Variants in EBF3 observed in about 807,000 individuals in gnomAD.
EBF3 encodes the protein EBF transcription factor 3, also known as transcription factor COE3.
In EBF3, 18 loss-of-function variants were observed where a neutral mutation model predicts 77.1. That is an observed-to-expected ratio of 0.23 (90% CI 0.16 to 0.35). The LOEUF (loss-of-function observed/expected upper bound fraction) is 0.35, where lower values mean the gene tolerates loss of function less well. Ranked by LOEUF, EBF3 falls within the 10% of genes least tolerant of loss-of-function variation. EBF3 has a pLI of 1.00. For missense variants in EBF3, 558 were observed against 860.0 expected, an observed-to-expected ratio of 0.65 and a Z score of 4.39; for synonymous variants, 350 against 343.5, an observed-to-expected ratio of 1.02 and a Z score of -0.21.
intron 8 of EBF3, among the ~76,000 whole-genome samples, chr10:129,872,483 G>A (rs1262945347): frequency 1.3e-5 from 2 of 152,134 alleles, no homozygotes; most frequent in African/African-American, 2.4e-5. Context: ...ATCTGCACAC[G>A]CTTCATTCAT....
In EBF3 at chr10:129,885,356, G is replaced by C. The variant is rs974600605; in HGVS notation, c.555-7507C>G. Among the ~76,000 whole-genome samples the C allele has an allele frequency of 3.3e-5, 5 of 152,132 alleles. No homozygotes were observed. The highest frequency in any genetic ancestry group is 5.9e-5 in the Non-Finnish European group (4 of 68,024). On this transcript the variant is annotated intron_variant, in intron 6 of 16. Coordinates refer to ENST00000440978, the MANE Select transcript of EBF3 (RefSeq NM_001375380.1). The surrounding 1 kb of genome is among the most constrained non-coding windows in gnomAD (Gnocchi z 4.0). ...ATGTGTTCAGATAAGTAAAATCCAG[G>C]TAGACACTCTAAAGGCAAGTACATC...
At chr10:129,898,631 T>C (rs1372676480) in intron 6 of EBF3, among the ~76,000 whole-genome samples, 3 of 152,196 alleles carry the variant, frequency 2.0e-5, no homozygotes, top group Non-Finnish European at 4.4e-5. Context: ...AAAACTAAAC[T>C]GTTGGGATGG....
chr10:129,894,952 G>A (rs947139775), intron 6 of EBF3, among the ~76,000 whole-genome samples: 10 of 152,184 alleles, frequency 6.6e-5, no homozygotes, highest in African/African-American at 2.4e-4. Flanking sequence ...CTGGGTCAGT[G>A]AGCACAAAGT....
At position 129,938,735 on chromosome 10, in the gene EBF3, G is replaced by A. The variant is rs1030963717; in HGVS notation, c.554+18523C>T. Among the ~76,000 whole-genome samples the A allele has an allele frequency of 2.0e-5, 3 of 152,158 alleles. No individual in the cohort carries two copies. Among genetic ancestry groups the A allele is most frequent in the Admixed American group, 2.0e-4 (3 of 15,278 alleles). On this transcript the variant is annotated intron_variant, in intron 6 of 16. Transcript: ENST00000440978. This position sits in a 1 kb window ranked among gnomAD's most constrained non-coding sequence, Gnocchi z 5.1. ...TGCCTTGTGTCCTGGGACCTGGCCT[G>A]TGCTCCAAGCAAGTCAAGGCCATTG...
At chr10:129,931,619 A>G (rs1257585603) in intron 6 of EBF3, among the ~76,000 whole-genome samples, 1 of 152,264 alleles carries the variant, frequency 6.6e-6, no homozygotes, top group Non-Finnish European at 1.5e-5. Flanking sequence ...CTTGCTCTTG[A>G]TGTCTGCCCT....
At chr10:129,858,553 C>A (rs1191468190) in intron 10 of EBF3, among the ~76,000 whole-genome samples, 1 of 152,142 alleles carries the variant, frequency 6.6e-6, no homozygotes, top group Non-Finnish European at 1.5e-5. Context: ...AAGGGATGGC[C>A]ATCAACAAGC....
At chr10:129,941,263 A>G (rs1390572968) in intron 6 of EBF3, among the ~76,000 whole-genome samples, 1 of 152,240 alleles carries the variant, frequency 6.6e-6, no homozygotes, top group African/African-American at 2.4e-5. Context: ...ATCAGCTTAC[A>G]GGGCAGCAAG....
intron 10 of EBF3, among the ~76,000 whole-genome samples, chr10:129,859,222 C>G (rs80004085): frequency 6.6e-6 from 1 of 151,564 alleles, no homozygotes; most frequent in Non-Finnish European, 1.5e-5. Context: ...ACTCATTTTG[C>G]TTTTTTTTTG....
rs747364562 is a variant in EBF3 at position 129,877,853 on chromosome 10, T to C, written c.555-4A>G. 3.1e-6 allele frequency: 5 copies of C among 1,605,390 alleles called. No homozygotes were observed. The African/African-American group carries it at 5.4e-5, about 17-fold the overall frequency. On this transcript the variant is annotated splice_region_variant and splice_polypyrimidine_tract_variant and intron_variant, in intron 6 of 16. Transcript: ENST00000440978. ...GAGGAAAAACTTTAGAAAGAATCTATAAAAAATACAAAAAGATGATATTTA... is the reference window on the plus strand; with the variant it reads ...GAGGAAAAACTTTAGAAAGAATCTACAAAAAATACAAAAAGATGATATTTA...
At chr10:129,840,085 C>T (rs991510012) in intron 15 of EBF3, among the ~76,000 whole-genome samples, 160 bp downstream of exon 15, 3 of 152,250 alleles carry the variant, frequency 2.0e-5, no homozygotes, top group Non-Finnish European at 4.4e-5. Flanking sequence ...GGGGTCCTCG[C>T]TGTGAACACC....
chr10:129,904,682 C>G (rs1589826830), intron 6 of EBF3, among the ~76,000 whole-genome samples: 1 of 151,802 alleles, frequency 6.6e-6, no homozygotes, highest in East Asian at 1.9e-4. Flanking sequence ...ATGGATAGAA[C>G]TATATAATAC....
intron 6 of EBF3, among the ~76,000 whole-genome samples, chr10:129,927,951 G>A (rs1856781910): frequency 6.6e-6 from 1 of 152,178 alleles, no homozygotes. Context: ...GTGCTCGGTG[G>A]AGAGCTTGAG....
chr10:129,857,399 C>G (rs527419921), intron 10 of EBF3, among the ~76,000 whole-genome samples: 15 of 152,144 alleles, frequency 9.9e-5, no homozygotes, highest in African/African-American at 3.1e-4. Context: ...GGGCCTCCCC[C>G]CTCACAGCCC....
At chr10:129,941,436 T>A (rs977561842) in intron 6 of EBF3, among the ~76,000 whole-genome samples, 3 of 152,150 alleles carry the variant, frequency 2.0e-5, no homozygotes, top group Non-Finnish European at 4.4e-5. Context: ...CAGCAGCCCT[T>A]CTTGAGGCCT....
At position 129,928,984 on chromosome 10, in the gene EBF3, T is replaced by C. The variant is rs143618623; in HGVS notation, c.554+28274A>G. On this transcript the variant is annotated intron_variant, in intron 6 of 16. Coordinates refer to ENST00000440978, the MANE Select transcript of EBF3 (RefSeq NM_001375380.1). ...AATATTAGTAAAACGGCCAGAGTGG[T>C]CTGGAGTGTGGGGAGTCCTTGCAGG... 4.2e-3 allele frequency among the ~76,000 whole-genome samples: 641 copies of C among 152,264 alleles called. 5 individuals are homozygous for C. Among genetic ancestry groups the C allele is most frequent in the South Asian group, 0.021 (102 of 4,828 alleles).
At position 129,842,032 on chromosome 10, in the gene EBF3, C is replaced by G; in HGVS notation, c.1372+84G>C. 6.4e-7 allele frequency: 1 copy of G among 1,566,570 alleles called. No homozygotes were observed. Among genetic ancestry groups the G allele is most frequent in the African/African-American group, 1.3e-5 (1 of 74,186 alleles). ...CGCTACGGACATTCCCCAGCTGGCC[C>G]TGGACACGTGCCTCTTCAGCTAAGG... On this transcript the variant is annotated intron_variant, in intron 13 of 16. Coordinates refer to ENST00000440978, the MANE Select transcript of EBF3 (RefSeq NM_001375380.1). The surrounding 1 kb of genome is among the most constrained non-coding windows in gnomAD (Gnocchi z 4.4).
intron 6 of EBF3, among the ~76,000 whole-genome samples, chr10:129,914,031 C>T (rs938840946): frequency 5.3e-5 from 8 of 152,230 alleles, no homozygotes; most frequent in African/African-American, 1.9e-4. Context: ...AACACCCATC[C>T]CATTCACAAA....
At chr10:129,873,384 G>C in intron 8 of EBF3, 68 bp downstream of exon 8, 2 of 1,414,424 alleles carry the variant, frequency 1.4e-6, no homozygotes, top group Non-Finnish European at 1.9e-6. Flanking sequence ...CCACATGAAT[G>C]AACATAAAGG....
chr10:129,915,090 T>C (rs1855784975), intron 6 of EBF3, among the ~76,000 whole-genome samples: 1 of 152,122 alleles, frequency 6.6e-6, no homozygotes, highest in Non-Finnish European at 1.5e-5. Flanking sequence ...AGGATGCCCA[T>C]CCACTGGGGC....
Sources: gnomAD v4.1 joint callset for allele counts (sites outside exome capture counted in the v4.1 genomes callset) on GRCh38, gnomAD v4.1.1 for gene constraint, Gnocchi (gnomAD v3.1) non-coding constraint, MANE v1.5 for transcripts, NCBI Gene and HGNC (gene_info 2026-07-23, HGNC 2026-07-21) for gene names.